DMTN: variants seen among roughly 807,000 people sequenced by gnomAD.
DMTN encodes dematin.
A neutral mutation model predicts 59.4 loss-of-function variants in DMTN; 27 were observed. That is an observed-to-expected ratio of 0.45 (90% confidence interval 0.33 to 0.63). The LOEUF is 0.63. DMTN is among the 20% of genes least tolerant of loss of function. The pLI is 0.02. For synonymous variants in DMTN, 221 were observed against 203.7 expected (o/e 1.08, Z -0.72); for missense variants, 451 against 528.9 (o/e 0.85, Z 1.45).
chr8:22,048,951 CCG>C (rs1801042487), upstream of DMTN: 1 of 146,346 alleles, frequency 6.8e-6, no homozygotes, highest in Non-Finnish European at 1.5e-5. The surrounding 1 kb of genome is among the most constrained non-coding windows in gnomAD (Gnocchi z 6.9). Flanking sequence ...GGGCTCGGCC[CCG>C]CGGGAGGCGG....
intron 10 of DMTN, among the ~76,000 whole-genome samples, chr8:22,078,715 C>T (rs1821570029): frequency 6.6e-6 from 1 of 151,270 alleles, no homozygotes; most frequent in Non-Finnish European, 1.5e-5. Context: ...TCCAGTAATG[C>T]TGATGTGAAG....
Position 22,060,685 on chromosome 8 carries a change from C to T in DMTN, c.-172+3549C>T, listed in dbSNP as rs986240166. 2.6e-5 allele frequency among the ~76,000 whole-genome samples: 4 copies of T among 152,224 alleles called. No homozygotes were observed. Among genetic ancestry groups the T allele is most frequent in the African/African-American group, 9.7e-5 (4 of 41,450 alleles). On this transcript the variant is annotated intron_variant, in intron 1 of 15. Coordinates refer to ENST00000358242, the MANE Select transcript of DMTN (RefSeq NM_001387751.1). This position sits in a 1 kb window ranked among gnomAD's most constrained non-coding sequence, Gnocchi z 5.0. ...CCAGGGTGCAGGGCCCTGGCTGACC[C>T]CAGGAAGCAGACCCAGATGCTAAAG... is the stretch of plus-strand genomic sequence containing the variant.
intron 6 of DMTN, among the ~76,000 whole-genome samples, 160 bp downstream of exon 6, chr8:22,069,678 C>T (rs1813674780): frequency 3.9e-5 from 6 of 152,160 alleles, no homozygotes; most frequent in Admixed American, 3.9e-4. Flanking sequence ...GGAGACCTGT[C>T]ACTTTTTCTC....
At chr8:22,051,630 G>C (rs781514275), upstream of DMTN, among the ~76,000 whole-genome samples, 2 of 151,934 alleles carry the variant, frequency 1.3e-5, no homozygotes, top group Non-Finnish European at 2.9e-5. Context: ...ATTCCCTCCC[G>C]CTCTGCTCTC....
At chr8:22,053,788 T>A (rs1290808201), upstream of DMTN, 2 of 152,212 alleles carry the variant, frequency 1.3e-5, no homozygotes, top group African/African-American at 4.8e-5. Context: ...CTTCCAAAGG[T>A]ATGAGAGCCC....
At chr8:22,077,427 A>C (rs766279754) in intron 10 of DMTN, among the ~76,000 whole-genome samples, 30 of 152,242 alleles carry the variant, frequency 2.0e-4, no homozygotes, top group Non-Finnish European at 3.7e-4. Flanking sequence ...GGGGAATTCA[A>C]GGTTAACATG....
chr8:22,080,112 G>T, intron 10 of DMTN, 68 bp from the exon 11 acceptor site: 1 of 1,581,226 alleles, frequency 6.3e-7, no homozygotes, highest in Non-Finnish European at 8.7e-7. Flanking sequence ...AGGCCAGTGA[G>T]GTTGCTGTCT....
At chr8:22,052,193 A>C (rs1164287328), upstream of DMTN, among the ~76,000 whole-genome samples, 1 of 152,202 alleles carries the variant, frequency 6.6e-6, no homozygotes. Context: ...CTTGTGGTAC[A>C]TGTCACAGCT....
At chr8:22,061,132 A>C (rs1806028403) in intron 1 of DMTN, among the ~76,000 whole-genome samples, 1 of 151,940 alleles carries the variant, frequency 6.6e-6, no homozygotes, top group Non-Finnish European at 1.5e-5. Context: ...ATTTGTTTTG[A>C]ATTAGCCGGG....
rs2130487196 is a variant in DMTN, at chr8:22,060,335, T to C, written c.-172+3199T>C. ...AGAAATGAGCTTTGATGGAAAGGGC[T>C]ACTTGTGGGTGGAGTAGGCAGGGTG... On this transcript the variant is annotated intron_variant, in intron 1 of 15. Transcript: ENST00000358242. The surrounding 1 kb of genome is among the most constrained non-coding windows in gnomAD (Gnocchi z 5.0). 6.6e-6 allele frequency among the ~76,000 whole-genome samples: 1 copy of C among 152,152 alleles called. No homozygotes were observed. The highest frequency in any genetic ancestry group is 2.4e-5 in the African/African-American group (1 of 41,500).
chr8:22,069,445 A>C lies in DMTN; in HGVS notation c.321A>C (p.Gly107=). 1 of 1,613,072 alleles carries C rather than the reference A, an allele frequency of 6.2e-7. No individual in the cohort carries two copies. The highest frequency in any genetic ancestry group is 8.5e-7 in the Non-Finnish European group (1 of 1,179,494). The part of the protein sequence containing the change: ...PEVWADSRSP[G]IISQASAPRT... ...TGTGGGCGGACAGCCGGTCGCCTGG[A>C]ATCATCTCTCAGGCCTCGGCCCCCA... The change falls in exon 6 of 16, where the codon GGA becomes GGC. Residue 107 remains glycine, a synonymous_variant. Coordinates refer to ENST00000358242, the MANE Select transcript of DMTN (RefSeq NM_001387751.1).
chr8:22,073,477 A>C (rs1427777706), intron 9 of DMTN, among the ~76,000 whole-genome samples: 1 of 151,434 alleles, frequency 6.6e-6, no homozygotes, highest in Non-Finnish European at 1.5e-5. Context: ...AAAAAAAACA[A>C]TTAGCTAGCT....
upstream of DMTN, among the ~76,000 whole-genome samples, chr8:22,052,947 G>A (rs1476084285): frequency 6.6e-6 from 1 of 152,168 alleles, no homozygotes; most frequent in Non-Finnish European, 1.5e-5. Context: ...TGCAAAGTGT[G>A]CCCAGGCATC....
chr8:22,066,909 C>T lies in DMTN; in HGVS notation c.18+16C>T, dbSNP rs1811070373. 1 of 1,256,144 alleles carries T rather than the reference C, an allele frequency of 8.0e-7. No homozygotes were observed. 77.8% of individuals were successfully genotyped at this position (1,256,144 alleles called of 1,614,324 possible). A position where few individuals can be genotyped will look rare whatever the true frequency, so the allele number is the denominator to read the frequency against. ...GCTGCAGAAGGTGCGCGGCGCCGCC[C>T]CGGGCCGGGGCCGCCGAGGGCGGGT... On this transcript the variant is annotated intron_variant, in intron 2 of 15. Coordinates refer to ENST00000358242, the MANE Select transcript of DMTN (RefSeq NM_001387751.1).
At chr8:22,054,093 C>A (rs1306944421), upstream of DMTN, among the ~76,000 whole-genome samples, 1 of 148,270 alleles carries the variant, frequency 6.7e-6, no homozygotes, top group Non-Finnish European at 1.5e-5. Context: ...CTCTGAACGC[C>A]CACCACCAAT....
chr8:22,073,942 C>A, intron 10 of DMTN, 107 bp downstream of exon 10: 1 of 822,812 alleles, frequency 1.2e-6, no homozygotes, highest in Non-Finnish European at 2.0e-6. Flanking sequence ...TGACCCAAAG[C>A]ACGGCTGCTC....
At chr8:22,075,992 A>G (rs974103089) in intron 10 of DMTN, among the ~76,000 whole-genome samples, 3 of 152,196 alleles carry the variant, frequency 2.0e-5, no homozygotes, top group African/African-American at 4.8e-5. Context: ...TTGAGAACAT[A>G]TAGACAATTG....
chr8:22,056,283 T>C (rs1162894460), upstream of DMTN, among the ~76,000 whole-genome samples: 1 of 152,164 alleles, frequency 6.6e-6, no homozygotes, highest in Non-Finnish European at 1.5e-5. Flanking sequence ...ACTGAGGACC[T>C]GGTTGCATCC....
Position 22,081,473 on chromosome 8 carries a change from C to G in DMTN, c.*10C>G. 1 of 1,612,456 alleles carries G rather than the reference C, an allele frequency of 6.2e-7. No individual in the cohort carries two copies. Among genetic ancestry groups the G allele is most frequent in the Admixed American group, 1.7e-5 (1 of 60,026 alleles). ...GGCCTCTCTCTTCTGATGGCCCCCA[C>G]CTGCTCCGGGACGGCCCCCTTACCC... On this transcript the variant is annotated 3_prime_UTR_variant, in exon 16 of 16. Transcript: ENST00000358242.
Sources: allele counts gnomAD v4.1 joint callset (sites outside exome capture counted in the v4.1 genomes callset), GRCh38; gene constraint gnomAD v4.1.1; non-coding constraint Gnocchi (gnomAD v3.1); transcripts MANE v1.5; gene names NCBI Gene and HGNC (gene_info 2026-07-23, HGNC 2026-07-21).